SH2D4B: variants seen among roughly 807,000 people sequenced by gnomAD.
The protein encoded by SH2D4B is SH2 domain-containing protein 4B.
SH2D4B carries 45 observed loss-of-function variants against 61.5 expected under a neutral mutation model. The observed-to-expected ratio is 0.73, with a 90% CI of 0.58 to 0.94. The LOEUF is 0.94. Among genes scored for constraint, SH2D4B ranks in the 40% least tolerant of loss-of-function variants. The pLI, the probability that SH2D4B is intolerant of heterozygous loss-of-function variation, is 0.00. For missense variants in SH2D4B, 572 were observed against 574.2 expected (o/e 1.00, Z 0.04); for synonymous variants, 224 against 220.4 (o/e 1.02, Z -0.14).
intron 3 of SH2D4B, among the ~76,000 whole-genome samples, chr10:80,577,763 C>T (rs1317860259): frequency 3.3e-5 from 5 of 151,790 alleles, no homozygotes; most frequent in East Asian, 1.9e-4. Context: ...GGGGTTTCAC[C>T]GTGTTAGCCA....
chr10:80,540,859 G>C, intron 1 of SH2D4B: 2 of 1,551,494 alleles, frequency 1.3e-6, no homozygotes, highest in Non-Finnish European at 8.7e-7. Context: ...ATTGTGCGGG[G>C]ACGGGCTCCA....
intron 1 of SH2D4B, among the ~76,000 whole-genome samples, chr10:80,562,894 C>CTTTTTTTTTTT (rs34539206): frequency 4.0e-5 from 3 of 74,698 alleles, no homozygotes; most frequent in African/African-American, 1.0e-4. Context: ...AACATTTTTT[C>CTTTTTTTTTTT]TTTTTTTTTT....
At chr10:80,595,931 T>G (rs925575331) in intron 4 of SH2D4B, among the ~76,000 whole-genome samples, 29 of 152,360 alleles carry the variant, frequency 1.9e-4, no homozygotes, top group African/African-American at 6.7e-4. Context: ...GGGATTTTGC[T>G]TTTAAGTCTC....
chr10:80,546,526 ATTTTT>A (rs61475653), intron 1 of SH2D4B, among the ~76,000 whole-genome samples: 1 of 138,378 alleles, frequency 7.2e-6, no homozygotes. Flanking sequence ...AGCATACGGT[ATTTTT>A]TTTTTTTTTT....
intron 2 of SH2D4B, 137 bp downstream of exon 2, chr10:80,570,453 C>T (rs913259630): frequency 9.2e-7 from 1 of 1,083,552 alleles, no homozygotes. Context: ...CTCCTGACCT[C>T]AGGTGAGCCA....
At chr10:80,562,058 C>CACACAT (rs1477848312) in intron 1 of SH2D4B, among the ~76,000 whole-genome samples, 1 of 150,992 alleles carries the variant, frequency 6.6e-6, no homozygotes, top group Non-Finnish European at 1.5e-5. Flanking sequence ...CACACACACA[C>CACACAT]ACACATATAT....
At chr10:80,546,458 C>T (rs1443354001) in intron 1 of SH2D4B, among the ~76,000 whole-genome samples, 2 of 152,040 alleles carry the variant, frequency 1.3e-5, no homozygotes, top group African/African-American at 4.8e-5. Context: ...TATCTCCCAC[C>T]ACAGCCTTTT....
chr10:80,602,978 G>C (rs562778913), intron 4 of SH2D4B, among the ~76,000 whole-genome samples: 4 of 152,182 alleles, frequency 2.6e-5, no homozygotes, highest in Non-Finnish European at 5.9e-5. Flanking sequence ...CTTTGGGCTA[G>C]TTACTTAACC....
chr10:80,548,707 C>T (rs1269519124), intron 1 of SH2D4B, among the ~76,000 whole-genome samples: 4 of 152,226 alleles, frequency 2.6e-5, no homozygotes, highest in Non-Finnish European at 4.4e-5. Context: ...TCGTCTCCTT[C>T]CTTTCTTGGT....
chr10:80,596,994 CAATAAA>C, intron 4 of SH2D4B, among the ~76,000 whole-genome samples: 1 of 152,162 alleles, frequency 6.6e-6, no homozygotes, highest in Non-Finnish European at 1.5e-5. Context: ...AATAACATAA[CAATAAA>C]AATAAAAATA....
At chr10:80,606,752 T>C (rs1842524506) in intron 5 of SH2D4B, among the ~76,000 whole-genome samples, 1 of 152,244 alleles carries the variant, frequency 6.6e-6, no homozygotes, top group Non-Finnish European at 1.5e-5. Flanking sequence ...GCTGCTCACA[T>C]ATCTTTTTAC....
At chr10:80,546,023 T>C (rs572878761) in intron 1 of SH2D4B, among the ~76,000 whole-genome samples, 2 of 147,708 alleles carry the variant, frequency 1.4e-5, no homozygotes, top group East Asian at 3.9e-4. Context: ...TCTTTCTTTC[T>C]CTTTCTTTCT....
At chr10:80,630,932 A>G (rs1842825495) in intron 6 of SH2D4B, among the ~76,000 whole-genome samples, 2 of 152,118 alleles carry the variant, frequency 1.3e-5, no homozygotes, top group Non-Finnish European at 1.5e-5. Context: ...AAGTCAGGGG[A>G]AGCTGCTCAA....
chr10:80,604,865 C>A (rs1842498729), intron 5 of SH2D4B, among the ~76,000 whole-genome samples: 1 of 151,868 alleles, frequency 6.6e-6, no homozygotes, highest in South Asian at 2.1e-4. Context: ...GTGATCTCAG[C>A]CCACTGCAAG....
intron 7 of SH2D4B, among the ~76,000 whole-genome samples, chr10:80,636,590 T>A (rs1488159238): frequency 1.3e-5 from 2 of 152,382 alleles, no homozygotes; most frequent in African/African-American, 4.8e-5. Flanking sequence ...GCTGCATAGA[T>A]GTCTTCTTTT....
intron 1 of SH2D4B, among the ~76,000 whole-genome samples, chr10:80,558,735 G>C (rs1190271031): frequency 2.0e-5 from 3 of 152,100 alleles, no homozygotes; most frequent in African/African-American, 7.2e-5. Flanking sequence ...GAACTCCTGG[G>C]CTCAAGCAAT....
At chr10:80,636,795 A>G (rs1269017325) in intron 7 of SH2D4B, among the ~76,000 whole-genome samples, 2 of 152,138 alleles carry the variant, frequency 1.3e-5, no homozygotes, top group Non-Finnish European at 2.9e-5. Context: ...TTAGTTCGAT[A>G]GATCCCATTT....
At chr10:80,581,927 CTG>C (rs940599677) in intron 3 of SH2D4B, among the ~76,000 whole-genome samples, 1 of 152,308 alleles carries the variant, frequency 6.6e-6, no homozygotes, top group African/African-American at 2.4e-5. Flanking sequence ...AAGGAGATAA[CTG>C]TGCATTTTTA....
intron 6 of SH2D4B, among the ~76,000 whole-genome samples, chr10:80,632,976 T>A (rs1007158305): frequency 4.6e-5 from 7 of 151,666 alleles, no homozygotes; most frequent in Non-Finnish European, 8.8e-5. Context: ...AAGGAGGAAA[T>A]AGGTGGCCCC....
Sources: gnomAD v4.1 joint callset for allele counts (sites outside exome capture counted in the v4.1 genomes callset) on GRCh38, gnomAD v4.1.1 for gene constraint, MANE v1.5 for transcripts, NCBI Gene and HGNC (gene_info 2026-07-23, HGNC 2026-07-21) for gene names.